TUSC3: variants seen among roughly 807,000 people sequenced by gnomAD.
TUSC3 encodes tumor suppressor candidate 3, also known as dolichyl-diphosphooligosaccharide--protein glycosyltransferase subunit TUSC3.
TUSC3 carries 45 observed loss-of-function variants against 44.8 expected under a neutral mutation model. That is an observed-to-expected ratio of 1.00 (90% confidence interval 0.79 to 1.29). TUSC3 has a LOEUF of 1.29. Among genes scored for constraint, TUSC3 ranks in the 50% most tolerant of loss-of-function variants. The pLI is 0.00. For missense variants in TUSC3, 519 were observed against 437.9 expected (o/e 1.19, Z -1.65); for synonymous variants, 212 against 152.9 (o/e 1.39, Z -2.85).
chr8:15,504,209 G>C (rs1801014068), intron 2 of TUSC3, among the ~76,000 whole-genome samples: 1 of 151,954 alleles, frequency 6.6e-6, no homozygotes, highest in Non-Finnish European at 1.5e-5. Flanking sequence ...TCTGTCACTT[G>C]CCAGCTGAGT....
In TUSC3 at chr8:15,420,762, T is replaced by C. The variant is rs907794590; in HGVS notation, n.91+3457T>C. Among the ~76,000 whole-genome samples, 5 of 152,270 alleles carry C rather than the reference T, an allele frequency of 3.3e-5. No homozygotes were observed. In the South Asian group the frequency reaches 1.0e-3, roughly 32 times the overall value. On this transcript the variant is annotated intron_variant and non_coding_transcript_variant, in intron 1 of 5. Transcript: ENST00000503191. ...GGCACAGTTTCACAGTGGTGTTCCC[T>C]GTCTCTTCAGTGATGCACTTTCTTC... is the stretch of plus-strand genomic sequence containing the variant.
chr8:15,613,437 G>A (rs984629792), intron 1 of TUSC3, among the ~76,000 whole-genome samples: 2 of 152,286 alleles, frequency 1.3e-5, no homozygotes, highest in East Asian at 1.9e-4. Flanking sequence ...GTAAGATGCA[G>A]TGCTAAGAGT....
intron 1 of TUSC3, among the ~76,000 whole-genome samples, chr8:15,435,083 T>A (rs1449150107): frequency 1.3e-5 from 2 of 148,944 alleles, no homozygotes; most frequent in Non-Finnish European, 2.9e-5. Flanking sequence ...ATGGTATTTC[T>A]AGTTCTAGAT....
intron 1 of TUSC3, 88 bp from the exon 2 acceptor site, chr8:15,622,992 G>T (rs1805320202): frequency 2.9e-6 from 4 of 1,358,672 alleles, no homozygotes; most frequent in Non-Finnish European, 4.1e-6. Flanking sequence ...TTAGGAAAAA[G>T]AAAATAAAAC....
At chr8:15,424,122 C>T (rs1201564477) in intron 1 of TUSC3, among the ~76,000 whole-genome samples, 1 of 151,466 alleles carries the variant, frequency 6.6e-6, no homozygotes, top group Non-Finnish European at 1.5e-5. Context: ...TTCCAAGTAG[C>T]TGGGACTACA....
At chr8:15,821,298 A>G in the TUSC3 span, among the ~76,000 whole-genome samples, 1 of 150,368 alleles carries the variant, frequency 6.7e-6, no homozygotes, top group Admixed American at 6.6e-5. Context: ...TCTTTTTGCT[A>G]GTAGCATTTG....
At chr8:15,485,313 G>T (rs1290813337) in intron 2 of TUSC3, among the ~76,000 whole-genome samples, 3 of 152,010 alleles carry the variant, frequency 2.0e-5, no homozygotes, top group African/African-American at 7.2e-5. Context: ...CACTTCCAGG[G>T]TTCATCACCA....
At chr8:15,748,328 C>T in intron 8 of TUSC3, 47 bp from the exon 9 acceptor site, 3 of 1,392,778 alleles carry the variant, frequency 2.2e-6, no homozygotes, top group East Asian at 2.3e-5. Context: ...ATTGGGGTTT[C>T]ATTTGCATAT....
At chr8:15,529,060 C>A (rs2132138) in intron 2 of TUSC3, among the ~76,000 whole-genome samples, 137,278 of 152,270 alleles carry the variant, frequency 0.9, 62,285 homozygotes, top group South Asian at 0.96. Flanking sequence ...GAACATGCTA[C>A]ACAAGTAAGT....
chr8:15,734,381 GTTTTA>G (rs1040232165), intron 7 of TUSC3, among the ~76,000 whole-genome samples: 1 of 151,938 alleles, frequency 6.6e-6, no homozygotes, highest in Non-Finnish European at 1.5e-5. Context: ...TATCAGTAGT[GTTTTA>G]TTTTTTCAGT....
At chr8:15,458,061 G>C (rs965349881) in intron 1 of TUSC3, among the ~76,000 whole-genome samples, 9 of 151,988 alleles carry the variant, frequency 5.9e-5, no homozygotes, top group African/African-American at 1.9e-4. Flanking sequence ...AACACATCTA[G>C]ATGCGTTAAC....
chr8:15,428,238 C>T (rs73189468), intron 1 of TUSC3, among the ~76,000 whole-genome samples: 20,743 of 149,384 alleles, frequency 0.14, 1,525 homozygotes, highest in Middle Eastern at 0.21. Flanking sequence ...TTTGTCCTCA[C>T]GATACTTCGC....
intron 4 of TUSC3, 72 bp from the exon 5 acceptor site, chr8:15,662,084 A>G: frequency 1.3e-6 from 2 of 1,546,930 alleles, no homozygotes; most frequent in Non-Finnish European, 1.8e-6. Flanking sequence ...GAAAATTATG[A>G]GGACTAGAAT....
intron 1 of TUSC3, among the ~76,000 whole-genome samples, chr8:15,476,090 T>G (rs1800571041): frequency 6.6e-6 from 1 of 152,206 alleles, no homozygotes; most frequent in Non-Finnish European, 1.5e-5. Flanking sequence ...CGTGAACTTT[T>G]TTAACCAATA....
chr8:15,519,058 C>T (rs1801259026), intron 2 of TUSC3, among the ~76,000 whole-genome samples: 2 of 152,086 alleles, frequency 1.3e-5, no homozygotes, highest in African/African-American at 2.4e-5. Flanking sequence ...GTTGTGTGGT[C>T]CTGGATTTTG....
At chr8:15,627,572 T>C (rs114990706) in intron 2 of TUSC3, among the ~76,000 whole-genome samples, 3,474 of 152,340 alleles carry the variant, frequency 0.023, 124 homozygotes, top group African/African-American at 0.077. Flanking sequence ...CTGTGGCCCT[T>C]TGGGGAGCCC....
chr8:15,728,195 G>A (rs904638314), intron 6 of TUSC3, among the ~76,000 whole-genome samples: 4 of 152,152 alleles, frequency 2.6e-5, no homozygotes, highest in African/African-American at 9.7e-5. Flanking sequence ...GAAGGGTTCT[G>A]AGCAAAGTAA....
chr8:15,662,436 A>G, intron 5 of TUSC3, 140 bp downstream of exon 5: 3 of 1,222,750 alleles, frequency 2.5e-6, no homozygotes, highest in Non-Finnish European at 3.5e-6. Context: ...AACTTGGATA[A>G]TTTAGTTTGA....
intron 1 of TUSC3, among the ~76,000 whole-genome samples, chr8:15,594,251 T>C (rs1803976060): frequency 6.6e-6 from 1 of 152,202 alleles, no homozygotes; most frequent in African/African-American, 2.4e-5. Context: ...TCACGTGTTG[T>C]AGTTTTCATC....
Sources: allele counts gnomAD v4.1 joint callset (sites outside exome capture counted in the v4.1 genomes callset), GRCh38; gene constraint gnomAD v4.1.1; transcripts MANE v1.5; gene names NCBI Gene and HGNC (gene_info 2026-07-23, HGNC 2026-07-21).